MRTFA: variants seen among roughly 807,000 people sequenced by gnomAD.
MRTFA encodes the protein myocardin related transcription factor A, also known as myocardin-related transcription factor A.
MRTFA carries 20 observed loss-of-function variants against 83.5 expected under a neutral mutation model. The observed-to-expected ratio is 0.24, with a 90% CI of 0.17 to 0.35. The LOEUF is 0.35. Ranked by LOEUF, MRTFA falls within the 10% of genes least tolerant of loss-of-function variation. The pLI is 1.00. For synonymous variants in MRTFA, 659 were observed against 541.2 expected (o/e 1.22, Z -3.02); for missense variants, 1,200 against 1,224.7 (o/e 0.98, Z 0.30).
At chr22:40,595,413 G>A (rs1018718198) in intron 1 of MRTFA, among the ~76,000 whole-genome samples, 1 of 151,946 alleles carries the variant, frequency 6.6e-6, no homozygotes, top group Non-Finnish European at 1.5e-5. Flanking sequence ...GAGCCACCGC[G>A]CCCGGCCGAG....
intron 3 of MRTFA, among the ~76,000 whole-genome samples, chr22:40,502,485 T>C (rs2054508820): frequency 1.4e-5 from 2 of 139,108 alleles, no homozygotes; most frequent in South Asian, 4.7e-4. Flanking sequence ...GAGACGCTCC[T>C]CACTTCCTAG....
At chr22:40,611,326 T>A (rs1347543512) in intron 1 of MRTFA, among the ~76,000 whole-genome samples, 10 of 152,112 alleles carry the variant, frequency 6.6e-5, no homozygotes, top group Non-Finnish European at 1.3e-4. Flanking sequence ...AGCCTTGACT[T>A]CCTGGATTCG....
chr22:40,424,216 G>C lies in MRTFA; in HGVS notation c.767C>G (p.Ser256Cys), dbSNP rs754807329. The change falls in exon 8 of 15, where the codon TCC becomes TGC. Residue 256 changes from serine (S) to cysteine (C), a missense_variant. Transcript: ENST00000355630. ...GAAGCACACACTCACCTGGGTGGGGGATGCAGAGGTGGCACTGAGCAGTGG... is the reference window on the plus strand; with the variant it reads ...GAAGCACACACTCACCTGGGTGGGGCATGCAGAGGTGGCACTGAGCAGTGG... 2 of 1,598,470 alleles carry C rather than the reference G, an allele frequency of 1.3e-6. No individual in the cohort carries two copies. The highest frequency in any genetic ancestry group is 2.7e-5 in the African/African-American group (2 of 74,048).
intron 3 of MRTFA, among the ~76,000 whole-genome samples, chr22:40,520,119 C>T (rs1160992291): frequency 1.3e-5 from 2 of 152,164 alleles, no homozygotes; most frequent in African/African-American, 2.4e-5. Context: ...CTTCCAGCCC[C>T]AGGCAATCAC....
chr22:40,509,531 C>T (rs1372413560), intron 3 of MRTFA, among the ~76,000 whole-genome samples: 1 of 152,158 alleles, frequency 6.6e-6, no homozygotes, highest in Admixed American at 6.6e-5. Flanking sequence ...TTCTGGTGAG[C>T]TTCTCTTTCT....
chr22:40,417,179 A>G (rs757051227), intron 13 of MRTFA, 133 bp from the exon 14 acceptor site: 19 of 1,350,006 alleles, frequency 1.4e-5, no homozygotes, highest in Non-Finnish European at 1.8e-5. Flanking sequence ...GCGTGCCCGG[A>G]CTCCTGGAGC....
In MRTFA at chr22:40,498,458, AT is replaced by A. The variant is rs563517989; in HGVS notation, c.242-35173del. ...GCTACCATGCCCAGCTGATTTTTGC[AT>A]TTTTTTGTAGAGATGAGGTTTCACC... On this transcript the variant is annotated intron_variant, in intron 3 of 14. Transcript: ENST00000355630. Among the ~76,000 whole-genome samples, 274 of 149,502 alleles carry A rather than the reference AT, an allele frequency of 1.8e-3. 5 individuals carry two copies. The highest frequency in any genetic ancestry group is 6.8e-3 in the Middle Eastern group (2 of 292).
chr22:40,518,048 G>C (rs2054790652), intron 3 of MRTFA, among the ~76,000 whole-genome samples: 1 of 152,126 alleles, frequency 6.6e-6, no homozygotes, highest in African/African-American at 2.4e-5. Flanking sequence ...AGAAGGCATG[G>C]GAGCATCACA....
chr22:40,577,728 T>C (rs1322042151), intron 2 of MRTFA, among the ~76,000 whole-genome samples: 1 of 150,282 alleles, frequency 6.7e-6, no homozygotes, highest in African/African-American at 2.4e-5. Context: ...TGCCTCAGCC[T>C]CCCGAGTAGC....
At chr22:40,611,060 C>T (rs2056382205) in intron 1 of MRTFA, among the ~76,000 whole-genome samples, 1 of 151,432 alleles carries the variant, frequency 6.6e-6, no homozygotes, top group Admixed American at 6.6e-5. Flanking sequence ...GCCTCAGCCT[C>T]CCATGTAGCT....
At chr22:40,520,958 C>T (rs1448656012) in intron 3 of MRTFA, among the ~76,000 whole-genome samples, 1 of 152,104 alleles carries the variant, frequency 6.6e-6, no homozygotes, top group Non-Finnish European at 1.5e-5. Context: ...CTATGTTTAA[C>T]TTTTTGAAAA....
At chr22:40,584,295 G>A (rs111770863) in intron 2 of MRTFA, among the ~76,000 whole-genome samples, 92 of 152,200 alleles carry the variant, frequency 6.0e-4, no homozygotes, top group African/African-American at 2.2e-3. Context: ...AAATAAGTAA[G>A]TGGCAAAGCC....
At position 40,419,167 on chromosome 22, in the gene MRTFA, G is replaced by A; in HGVS notation, c.1571C>T (p.Ala524Val). The A allele has an allele frequency of 6.3e-7, 1 of 1,584,292 alleles. No homozygotes were observed. The highest frequency in any genetic ancestry group is 8.6e-7 in the Non-Finnish European group (1 of 1,165,124). The stretch of plus-strand genomic sequence containing the variant: ...CACCACCTCAGCTGGAGCCAGGCCT[G>A]CTGCCACCAGGGCTGGCCCCGTGCT... Residue 524 changes from alanine to valine, a missense_variant, in exon 12 of 15, where the codon GCA (alanine) becomes GTA (valine). Around this residue, in one of 2 missense-constraint regions of MRTFA, gnomAD observed 1,107 missense variants for 1,041.8 expected, o/e 1.06. Transcript: ENST00000355630.
intron 1 of MRTFA, among the ~76,000 whole-genome samples, chr22:40,636,272 C>T (rs1191958048): frequency 4.6e-5 from 7 of 152,120 alleles, no homozygotes; most frequent in South Asian, 2.1e-4. Context: ...CGGCCCGGGT[C>T]CCAGCCCCGG....
chr22:40,581,171 G>A lies in MRTFA; in HGVS notation c.-22+13503C>T, dbSNP rs564238596. On this transcript the variant is annotated intron_variant, in intron 2 of 14. Transcript: ENST00000355630. ...GGATGTATCTATATTGACACATGTA[G>A]ACCTGATTTGTCCATTCTGACTGTA... 2.6e-5 allele frequency among the ~76,000 whole-genome samples: 4 copies of A among 151,990 alleles called. No individual in the cohort carries two copies. The South Asian group carries it at 8.3e-4, about 32-fold the overall frequency.
rs186693648 is a variant in MRTFA at position 40,444,879 on chromosome 22, G to T, written c.308-9325C>A. Among the ~76,000 whole-genome samples, 664 of 152,248 alleles carry T rather than the reference G, an allele frequency of 4.4e-3. 7 individuals carry two copies. Among genetic ancestry groups the T allele is most frequent in the African/African-American group, 0.015 (639 of 41,540 alleles). On this transcript the variant is annotated intron_variant, in intron 4 of 14. Transcript: ENST00000355630. ...GGCCAGGAGTTTGGCACCAGCTTGG[G>T]CAATGTGGCGGCACCCACTCTACAG...
At position 40,420,486 on chromosome 22, in the gene MRTFA, C is replaced by T. The variant is rs970525248; in HGVS notation, c.1272G>A (p.Gly424=). 1.2e-6 allele frequency: 2 copies of T among 1,613,800 alleles called. No individual in the cohort carries two copies. Among genetic ancestry groups the T allele is most frequent in the African/African-American group, 2.7e-5 (2 of 75,076 alleles). ...TGTTCTGACGTGCCAGCCCACAGGG[C>T]CCAGGGGCGCCCGAGCTGGAGCTGC... The change falls in exon 11 of 15, where the codon GGG becomes GGA. Residue 424 remains glycine (G), a synonymous_variant. Transcript: ENST00000355630.
chr22:40,462,673 T>C (rs2053736107), intron 4 of MRTFA, among the ~76,000 whole-genome samples: 1 of 152,232 alleles, frequency 6.6e-6, no homozygotes, highest in South Asian at 2.1e-4. Flanking sequence ...GATGGACTTC[T>C]GCACCCACTG....
chr22:40,451,572 C>T (rs185510844), intron 4 of MRTFA, among the ~76,000 whole-genome samples: 9 of 152,284 alleles, frequency 5.9e-5, no homozygotes, highest in Admixed American at 2.0e-4. Flanking sequence ...ACTGTTCCAG[C>T]GTCTCCTGCT....
Sources: gnomAD v4.1 joint callset for allele counts (sites outside exome capture counted in the v4.1 genomes callset) on GRCh38, gnomAD v4.1.1 for gene constraint, gnomAD v4.1.1 regional missense constraint, MANE v1.5 for transcripts, NCBI Gene and HGNC (gene_info 2026-07-23, HGNC 2026-07-21) for gene names.